PLD2: variants seen among roughly 807,000 people sequenced by gnomAD.
The protein encoded by PLD2 is choline phosphatase 2.
Under a neutral mutation model 119.8 loss-of-function variants are expected in PLD2, and 101 were observed. That is an observed-to-expected ratio of 0.84 (90% confidence interval 0.72 to 0.99). The LOEUF (loss-of-function observed/expected upper bound fraction) is 0.99. PLD2 is among the 50% of genes least tolerant of loss of function. PLD2 has a pLI of 0.00. For synonymous variants in PLD2, 494 were observed against 482.8 expected (o/e 1.02, Z -0.30); for missense variants, 1,164 against 1,226.8 (o/e 0.95, Z 0.76).
chr17:4,814,035 C>T (rs780442291), intron 10 of PLD2: 26 of 203,192 alleles, frequency 1.3e-4, no homozygotes, highest in Non-Finnish European at 2.3e-4. Flanking sequence ...ATTTTAATTT[C>T]GTTGTTTACT....
In PLD2 at chr17:4,807,703, G is replaced by A. The variant is rs920654860; in HGVS notation, c.-1-69G>A. On this transcript the variant is annotated intron_variant, in intron 1 of 24. Coordinates refer to ENST00000263088, the MANE Select transcript of PLD2 (RefSeq NM_002663.5). The surrounding 1 kb of genome is among the most constrained non-coding windows in gnomAD (Gnocchi z 5.4). ...AGGATCTGGAAGAGATGGAGGACCT[G>A]CGGGAGTTAGGATGGGGGGCGGGTT... The A allele has an allele frequency of 5.9e-6, 5 of 849,026 alleles. No individual in the cohort carries two copies. The highest frequency in any genetic ancestry group is 1.7e-5 in the African/African-American group (1 of 59,744). The allele number at this position is 849,026 out of a possible 1,614,324, so 52.6% of individuals were successfully genotyped here.
Position 4,809,901 on chromosome 17 carries a change from CCTG to C in PLD2, c.736_738del (p.Leu246del). The C allele has an allele frequency of 6.2e-7, 1 of 1,614,198 alleles. No homozygotes were observed. Among genetic ancestry groups the C allele is most frequent in the Non-Finnish European group, 8.5e-7 (1 of 1,180,044 alleles). On this transcript the variant is annotated inframe_deletion, in exon 9 of 25. Coordinates refer to ENST00000263088, the MANE Select transcript of PLD2 (RefSeq NM_002663.5). ...GGTGGCTGGTGGTGAAGGACTCCTTCCTGCTGTACATGTGCCTCGAGACAGGTG... is the reference window on the plus strand; with the variant it reads ...GGTGGCTGGTGGTGAAGGACTCCTTCCTGTACATGTGCCTCGAGACAGGTG...
Position 4,810,463 on chromosome 17 carries a change from G to A in PLD2, c.861-339G>A, listed in dbSNP as rs540149502. Among the ~76,000 whole-genome samples, 13 of 152,102 alleles carry A rather than the reference G, an allele frequency of 8.5e-5. 1 individual carries two copies. Among genetic ancestry groups the A allele is most frequent in the African/African-American group, 3.1e-4 (13 of 41,488 alleles). ...AGTTCGAGACCAGCCCAGCCAACATGCTAAAACCTTGTCTCTACTAAAAAT... is the reference window on the plus strand; with the variant it reads ...AGTTCGAGACCAGCCCAGCCAACATACTAAAACCTTGTCTCTACTAAAAAT... On this transcript the variant is annotated intron_variant, in intron 9 of 24. Coordinates refer to ENST00000263088, the MANE Select transcript of PLD2 (RefSeq NM_002663.5).
At position 4,822,673 on chromosome 17, in the gene PLD2, T is replaced by C; in HGVS notation, c.2611T>C (p.Ser871Pro). The C allele has an allele frequency of 1.2e-6, 2 of 1,613,240 alleles. No homozygotes were observed. The highest frequency in any genetic ancestry group is 1.7e-6 in the Non-Finnish European group (2 of 1,179,460). Residue 871 changes from serine (S) to proline (P), a missense_variant, in exon 25 of 25, where the codon TCC becomes CCC. Ser to Pro is a moderately conservative substitution (Grantham distance 74, BLOSUM62 -1). Coordinates refer to ENST00000263088, the MANE Select transcript of PLD2 (RefSeq NM_002663.5). ...CTGCCTGCCATCCAATGCCACGCGTTCCCTGCGGACTCTCCGGGAGTACGT... is the reference window on the plus strand; with the variant it reads ...CTGCCTGCCATCCAATGCCACGCGTCCCCTGCGGACTCTCCGGGAGTACGT... Reference protein sequence around the residue: ...FRCLPSNATRSLRTLREYVAV... With the variant: ...FRCLPSNATRPLRTLREYVAV...
chr17:4,818,064 C>T lies in PLD2; in HGVS notation c.1878C>T (p.Tyr626=), dbSNP rs1026930747. 6.2e-7 allele frequency: 1 copy of T among 1,614,064 alleles called. No individual in the cohort carries two copies. The change falls in exon 18 of 25, where the codon TAC becomes TAT. Residue 626 remains tyrosine (Y), a synonymous_variant. Transcript: ENST00000263088. ...TGGAGAACTCCATCCTCAATGCCTACCTGCACACCATCAGGGAGAGCCAGC... is the reference window on the plus strand; with the variant it reads ...TGGAGAACTCCATCCTCAATGCCTATCTGCACACCATCAGGGAGAGCCAGC... ...GTLENSILNA[Y]LHTIRESQHF...
rs1907693467 is a variant in PLD2 at position 4,821,807 on chromosome 17, C to T, written c.2477C>T (p.Ala826Val). The change falls in exon 24 of 25, where the codon GCA (alanine) becomes GTA (valine). Residue 826 changes from alanine (A) to valine (V), a missense_variant. Ala to Val is a moderately conservative substitution (Grantham distance 64). Coordinates refer to ENST00000263088, the MANE Select transcript of PLD2 (RefSeq NM_002663.5). ...TTCTCCTATAGTGTGATTCTTGGAG[C>T]AAATACCCGGCCAGACTTGGATCTC... ...RKHCFGVILG[A>V]NTRPDLDLRD... 6.2e-7 allele frequency: 1 copy of T among 1,613,272 alleles called. No homozygotes were observed. Among genetic ancestry groups the T allele is most frequent in the South Asian group, 1.1e-5 (1 of 91,056 alleles).
chr17:4,816,713 A>G lies in PLD2; in HGVS notation c.1549A>G (p.Lys517Glu). 1.2e-6 allele frequency: 2 copies of G among 1,614,060 alleles called. No homozygotes were observed. Among genetic ancestry groups the G allele is most frequent in the East Asian group, 2.2e-5 (1 of 44,874 alleles). Residue 517 changes from lysine to glutamate, a missense_variant, in exon 15 of 25, where the codon AAG (lysine) becomes GAG (glutamate). Lys to Glu is a moderately conservative substitution (Grantham distance 56). Coordinates refer to ENST00000263088, the MANE Select transcript of PLD2 (RefSeq NM_002663.5). ...LGKDYSNLIT[K>E]DWVQLDRPFE... Reference sequence around the variant, plus strand: ...CAAGGACTACAGCAATCTTATCACCAAGGACTGGGTGCAGCTGGACCGGCC... The same window carrying G: ...CAAGGACTACAGCAATCTTATCACCGAGGACTGGGTGCAGCTGGACCGGCC...
chr17:4,808,506 C>G lies in PLD2; in HGVS notation c.383+90C>G. ...CACCCCGGGGCCACAACCTTTCCTC[C>G]CTGCAACTCTGGCCACTGTGCTGCC... is the stretch of plus-strand genomic sequence containing the variant. On this transcript the variant is annotated intron_variant, in intron 4 of 24. Coordinates refer to ENST00000263088, the MANE Select transcript of PLD2 (RefSeq NM_002663.5). This position sits in a 1 kb window ranked among gnomAD's most constrained non-coding sequence, Gnocchi z 4.1. 7.6e-7 allele frequency: 1 copy of G among 1,311,784 alleles called. No homozygotes were observed. Among genetic ancestry groups the G allele is most frequent in the Non-Finnish European group, 1.1e-6 (1 of 932,720 alleles). 81.3% of individuals were successfully genotyped at this position (1,311,784 alleles called of 1,614,324 possible).
At chr17:4,822,504 G>A (rs2875841) in intron 24 of PLD2, 136 bp from the exon 25 acceptor site, 278,764 of 551,852 alleles carry the variant, frequency 0.51, 64,015 homozygotes, top group African/African-American at 0.74. Flanking sequence ...AAAAAAAAAA[G>A]AGAGAGAGAG....
rs1237401652 is a variant in PLD2 at position 4,808,909 on chromosome 17, G to T, written c.384-191G>T. On this transcript the variant is annotated intron_variant, in intron 4 of 24. Transcript: ENST00000263088. The surrounding 1 kb of genome is among the most constrained non-coding windows in gnomAD (Gnocchi z 4.1). ...GGGTGCTGCTGTGTTGCCCAGGCTGGTCTTAAATTCCTGAGCTCAAGTGAT... is the reference window on the plus strand; with the variant it reads ...GGGTGCTGCTGTGTTGCCCAGGCTGTTCTTAAATTCCTGAGCTCAAGTGAT... Among the ~76,000 whole-genome samples, 2 of 152,094 alleles carry T rather than the reference G, an allele frequency of 1.3e-5. No homozygotes were observed. Among genetic ancestry groups the T allele is most frequent in the Admixed American group, 6.6e-5 (1 of 15,250 alleles).
chr17:4,819,375 A>G lies in PLD2; in HGVS notation c.2309-54A>G. On this transcript the variant is annotated intron_variant, in intron 22 of 24. Transcript: ENST00000263088. This position sits in a 1 kb window ranked among gnomAD's most constrained non-coding sequence, Gnocchi z 4.2. The stretch of plus-strand genomic sequence containing the variant: ...AGTGCTTTGGTAGAGGGGATGGGGT[A>G]CTGGGGAGAGTGCCCTGGGCCCAAG... 6.2e-7 allele frequency: 1 copy of G among 1,607,932 alleles called. No individual in the cohort carries two copies. The highest frequency in any genetic ancestry group is 8.5e-7 in the Non-Finnish European group (1 of 1,176,830).
Position 4,822,837 on chromosome 17 carries a change from C to T in PLD2, c.2775C>T (p.Gly925=), listed in dbSNP as rs1907823593. 6.2e-7 allele frequency: 1 copy of T among 1,609,418 alleles called. No individual in the cohort carries two copies. Among genetic ancestry groups the T allele is most frequent in the Non-Finnish European group, 8.5e-7 (1 of 1,175,930 alleles). ...SLLPPLGSKE[G]MIPLEVWT ...TGCCCCCGCTGGGTAGCAAGGAGGG[C>T]ATGATCCCCCTAGAAGTGTGGACAT... The change falls in exon 25 of 25, where the codon GGC becomes GGT. Residue 925 remains glycine, a synonymous_variant. Transcript: ENST00000263088.
chr17:4,808,025 T>C lies in PLD2; in HGVS notation c.151T>C (p.Ser51Pro). The C allele has an allele frequency of 6.2e-7, 1 of 1,612,646 alleles. No individual in the cohort carries two copies. Among genetic ancestry groups the C allele is most frequent in the Non-Finnish European group, 8.5e-7 (1 of 1,178,848 alleles). ...HPFLAIYELQSLKVHPLVFAP... is the reference protein window; with the variant it reads ...HPFLAIYELQPLKVHPLVFAP... ...GTTTCTGGCCATCTATGAGCTTCAG[T>C]CTCTGAAAGTGCACCCCTTGGTGTT... The change falls in exon 3 of 25, where the codon TCT (serine) becomes CCT (proline). Residue 51 changes from serine (S) to proline (P), a missense_variant. Ser to Pro is a moderately conservative substitution (Grantham distance 74). Transcript: ENST00000263088. The surrounding 1 kb of genome is among the most constrained non-coding windows in gnomAD (Gnocchi z 4.1).
chr17:4,808,995 C>A lies in PLD2; in HGVS notation c.384-105C>A. 2.3e-6 allele frequency: 2 copies of A among 882,262 alleles called. No individual in the cohort carries two copies. Among genetic ancestry groups the A allele is most frequent in the South Asian group, 1.5e-5 (1 of 68,492 alleles). 54.7% of individuals were successfully genotyped at this position (882,262 alleles called of 1,614,324 possible). ...AGGCGTGAGCCACCACGCCTGGCCA[C>A]CTCCAGGCCTCTTCTTTTCCTCCGA... On this transcript the variant is annotated intron_variant, in intron 4 of 24. Coordinates refer to ENST00000263088, the MANE Select transcript of PLD2 (RefSeq NM_002663.5). This position sits in a 1 kb window ranked among gnomAD's most constrained non-coding sequence, Gnocchi z 4.1.
At position 4,820,777 on chromosome 17, in the gene PLD2, C is replaced by T. The variant is rs182436112; in HGVS notation, c.2463-1016C>T. Among the ~76,000 whole-genome samples, 356 of 145,670 alleles carry T rather than the reference C, an allele frequency of 2.4e-3. 6 individuals carry two copies. Among genetic ancestry groups the T allele is most frequent in the Admixed American group, 7.4e-3 (107 of 14,402 alleles). On this transcript the variant is annotated intron_variant, in intron 23 of 24. Coordinates refer to ENST00000263088, the MANE Select transcript of PLD2 (RefSeq NM_002663.5). ...ATTTTTAGTAGAGACGGGGTTTCAC[C>T]GTGTTAGCCAGGATGGTCTAGATCT...
chr17:4,812,500 G>A (rs1307180325), intron 10 of PLD2, among the ~76,000 whole-genome samples: 2 of 151,752 alleles, frequency 1.3e-5, no homozygotes, highest in Non-Finnish European at 2.9e-5. Flanking sequence ...TCACCATGTT[G>A]GCCAGGATGG....
chr17:4,807,653 G>A lies in PLD2; in HGVS notation c.-1-119G>A. 1.6e-6 allele frequency: 1 copy of A among 633,078 alleles called. No homozygotes were observed. The highest frequency in any genetic ancestry group is 2.8e-6 in the Non-Finnish European group (1 of 354,740). The allele number at this position is 633,078 out of a possible 1,614,324, so 39.2% of individuals were successfully genotyped here. ...AACTGGTCAGGCGTCATCCGCGGGC[G>A]GTCAGGAGGCCGTGGGGGAAGAGGA... On this transcript the variant is annotated intron_variant, in intron 1 of 24. Coordinates refer to ENST00000263088, the MANE Select transcript of PLD2 (RefSeq NM_002663.5). The surrounding 1 kb of genome is among the most constrained non-coding windows in gnomAD (Gnocchi z 5.4).
Position 4,810,923 on chromosome 17 carries a change from C to A in PLD2, c.982C>A (p.Pro328Thr). ...GCTGCACCGGCATGACAGCTACGCC[C>A]CACCCCGGCCTGGGACCTTGGCCCG... is the stretch of plus-strand genomic sequence containing the variant. The part of the protein sequence containing the change: ...LQLHRHDSYA[P>T]PRPGTLARWF... The change falls in exon 10 of 25, where the codon CCA becomes ACA. Residue 328 changes from proline (P) to threonine (T), a missense_variant. Coordinates refer to ENST00000263088, the MANE Select transcript of PLD2 (RefSeq NM_002663.5). The A allele has an allele frequency of 3.1e-6, 5 of 1,612,830 alleles. No individual in the cohort carries two copies. The highest frequency in any genetic ancestry group is 4.2e-6 in the Non-Finnish European group (5 of 1,179,792).
rs538219584 is a variant in PLD2 at position 4,810,724 on chromosome 17, T to C, written c.861-78T>C. ...TGTGATTAGGGACTAAGGGAGGAAG[T>C]GGGAAAGGGGAGGTCTCTAGGCAAG... is the stretch of plus-strand genomic sequence containing the variant. On this transcript the variant is annotated intron_variant, in intron 9 of 24. Transcript: ENST00000263088. 1.3e-3 allele frequency: 1,097 copies of C among 814,752 alleles called. 10 individuals are homozygous for C. The African/African-American group carries it at 0.042, about 31-fold the overall frequency. 50.5% of individuals were successfully genotyped at this position (814,752 alleles called of 1,614,324 possible).
Sources: gnomAD v4.1 joint callset for allele counts (sites outside exome capture counted in the v4.1 genomes callset) on GRCh38, gnomAD v4.1.1 for gene constraint, Gnocchi (gnomAD v3.1) non-coding constraint, MANE v1.5 for transcripts, NCBI Gene and HGNC (gene_info 2026-07-23, HGNC 2026-07-21) for gene names.